ZNF814: variants seen among roughly 807,000 people sequenced by gnomAD.
ZNF814 encodes the protein zinc finger protein 814.
ZNF814 carries 5 observed loss-of-function variants against 7.5 expected under a neutral mutation model. The observed-to-expected ratio is 0.67, with a 90% CI of 0.35 to 1.40. The LOEUF (loss-of-function observed/expected upper bound fraction) is 1.40, where lower values mean the gene tolerates loss of function less well. Ranked by LOEUF, ZNF814 falls within the 40% of genes most tolerant of loss-of-function variation. The pLI is 0.04. For synonymous variants in ZNF814, 315 were observed against 340.7 expected, an observed-to-expected ratio of 0.92 and a Z score of 0.83; for missense variants, 962 against 1,018.0, an observed-to-expected ratio of 0.94 and a Z score of 0.75.
the ZNF814 span, among the ~76,000 whole-genome samples, chr19:57,900,838 C>CTTTTTTTTTTT: frequency 1.2e-4 from 7 of 56,422 alleles, no homozygotes; most frequent in South Asian, 7.5e-4. Flanking sequence ...GCCATGGCTG[C>CTTTTTTTTTTT]ATTTTTTTTT....
At chr19:57,885,229 T>A (rs577365614) in intron 1 of ZNF814, among the ~76,000 whole-genome samples, 1 of 150,956 alleles carries the variant, frequency 6.6e-6, no homozygotes, top group Non-Finnish European at 1.5e-5. Flanking sequence ...GGCTGAGACA[T>A]GAGAATCGCT....
chr19:57,875,865 A>G (rs1312479254), intron 2 of ZNF814, among the ~76,000 whole-genome samples: 10 of 151,894 alleles, frequency 6.6e-5, no homozygotes, highest in Non-Finnish European at 8.8e-5. Flanking sequence ...CCTTGCCACA[A>G]AACTACTACT....
Position 57,870,238 on chromosome 19 carries a change from C to G in ZNF814, c.*2584G>C, listed in dbSNP as rs538688951. On this transcript the variant is annotated 3_prime_UTR_variant, in exon 3 of 3. Coordinates refer to ENST00000435989, the MANE Select transcript of ZNF814 (RefSeq NM_001144989.2). ...CAGCCTGGGCAACAGAGCAAGACTC[C>G]GTCTCAAAATAAATAATAATAATAA... The G allele has an allele frequency of 2.8e-4, 43 of 152,030 alleles. No homozygotes were observed. The highest frequency in any genetic ancestry group is 8.4e-4 in the African/African-American group (35 of 41,458). 9.4% of individuals were successfully genotyped at this position (152,030 alleles called of 1,614,324 possible).
chr19:57,872,504 T>TTC lies in ZNF814; in HGVS notation c.*317_*318insGA, dbSNP rs2071564119. 1.7e-6 allele frequency: 1 copy of TTC among 574,038 alleles called. No individual in the cohort carries two copies. Among genetic ancestry groups the TTC allele is most frequent in the African/African-American group, 1.9e-5 (1 of 53,472 alleles). 35.6% of individuals were successfully genotyped at this position (574,038 alleles called of 1,614,324 possible). A position where few individuals can be genotyped will look rare whatever the true frequency, so the allele number is the denominator to read the frequency against. Reference sequence around the variant, plus strand: ...GCCCAAATGTATTTTATTTGTCTAGTGTGAACTCTCTGATATTCAAGGAGA... The same window carrying TTC: ...GCCCAAATGTATTTTATTTGTCTAGTTCGTGAACTCTCTGATATTCAAGGAGA... On this transcript the variant is annotated 3_prime_UTR_variant, in exon 3 of 3. Transcript: ENST00000435989.
chr19:57,883,988 C>G (rs1600139660), intron 1 of ZNF814, among the ~76,000 whole-genome samples: 1 of 152,264 alleles, frequency 6.6e-6, no homozygotes, highest in East Asian at 1.9e-4. Context: ...AACTCCTGAC[C>G]TCAGGTGATC....
Position 57,873,174 on chromosome 19 carries a change from G to A in ZNF814, c.2216C>T (p.Thr739Ile), listed in dbSNP as rs766311608. 2.5e-6 allele frequency: 4 copies of A among 1,613,552 alleles called. No homozygotes were observed. Among genetic ancestry groups the A allele is most frequent in the Admixed American group, 1.7e-5 (1 of 59,902 alleles). ...YQLIAHQRVH[T>I]GERPYECNDC... ...ATTGCATTCATAAGGCCTTTCTCCA[G>A]TGTGAACTCTCTGATGTGCAATGAG... The change falls in exon 3 of 3, where the codon ACT (threonine) becomes ATT (isoleucine). Residue 739 changes from threonine (T) to isoleucine (I), a missense_variant. By Grantham distance (89) the Thr-to-Ile change is moderately conservative. Transcript: ENST00000435989.
At chr19:57,891,879 G>A (rs1198145423), upstream of ZNF814, among the ~76,000 whole-genome samples, 1 of 152,040 alleles carries the variant, frequency 6.6e-6, no homozygotes, top group Non-Finnish European at 1.5e-5. Flanking sequence ...TCAGCATCCT[G>A]AGTACCTGGG....
chr19:57,873,920 T>G lies in ZNF814; in HGVS notation c.1470A>C (p.Arg490Ser). The change falls in exon 3 of 3, where the codon AGA (arginine) becomes AGC (serine). Residue 490 changes from arginine to serine, a missense_variant. Around this residue, in one of 7 missense-constraint regions of ZNF814, gnomAD observed 665 missense variants for 551.4 expected, o/e 1.21. Transcript: ENST00000435989. ...TCCCACATTCTCCACACTGATAAGG[T>G]CTTTCTCCACTGTGAACTCGCTGAT... ...VHHQRVHSGE[R>S]PYQCGECGKS... 1.2e-6 allele frequency: 2 copies of G among 1,613,866 alleles called. No homozygotes were observed. Among genetic ancestry groups the G allele is most frequent in the Admixed American group, 1.7e-5 (1 of 59,994 alleles).
upstream of ZNF814, among the ~76,000 whole-genome samples, chr19:57,890,892 A>G (rs73068586): frequency 3.7e-3 from 569 of 152,338 alleles, 3 homozygotes; most frequent in Middle Eastern, 6.8e-3. Flanking sequence ...CAGCTGTCAG[A>G]AGTGTTTAAC....
At position 57,870,334 on chromosome 19, in the gene ZNF814, A is replaced by G. The variant is rs1028735648; in HGVS notation, c.*2488T>C. On this transcript the variant is annotated 3_prime_UTR_variant, in exon 3 of 3. Coordinates refer to ENST00000435989, the MANE Select transcript of ZNF814 (RefSeq NM_001144989.2). ...TTTGGAAAACAGGTTTGGCAACTCT[A>G]TACTGACTACACCAATTCTTCTCAT... 1 of 152,234 alleles carries G rather than the reference A, an allele frequency of 6.6e-6. No homozygotes were observed. The highest frequency in any genetic ancestry group is 2.4e-5 in the African/African-American group (1 of 41,460). 9.4% of individuals were successfully genotyped at this position (152,234 alleles called of 1,614,324 possible).
chr19:57,892,028 A>C (rs2071737611), upstream of ZNF814, among the ~76,000 whole-genome samples: 1 of 152,176 alleles, frequency 6.6e-6, no homozygotes, highest in African/African-American at 2.4e-5. Context: ...TTGGGATTAC[A>C]GGCGTGAGCC....
intron 1 of ZNF814, among the ~76,000 whole-genome samples, chr19:57,883,529 T>C (rs1430693988): frequency 1.3e-5 from 2 of 149,304 alleles, no homozygotes; most frequent in Non-Finnish European, 3.0e-5. Context: ...GATGTGGTAG[T>C]GCACACCTGT....
chr19:57,876,845 T>A (rs1336438926), intron 2 of ZNF814, 71 bp downstream of exon 2: 1 of 1,595,622 alleles, frequency 6.3e-7, no homozygotes, highest in African/African-American at 1.3e-5. Flanking sequence ...CATGAGAAAG[T>A]CTTACCAATG....
the ZNF814 span, among the ~76,000 whole-genome samples, chr19:57,897,041 G>A: frequency 2.0e-5 from 3 of 152,182 alleles, no homozygotes; most frequent in African/African-American, 4.8e-5. Flanking sequence ...AATGTTACAG[G>A]AGAAAAATAT....
chr19:57,877,467 CAG>C (rs1328635114), intron 1 of ZNF814, among the ~76,000 whole-genome samples: 1 of 152,112 alleles, frequency 6.6e-6, no homozygotes, highest in Non-Finnish European at 1.5e-5. Context: ...TTGTTTGAGA[CAG>C]AGTCTCACTC....
the ZNF814 span, among the ~76,000 whole-genome samples, chr19:57,896,247 C>T: frequency 6.6e-6 from 1 of 151,112 alleles, no homozygotes; most frequent in South Asian, 2.1e-4. The surrounding 1 kb of genome is among the most constrained non-coding windows in gnomAD (Gnocchi z 4.2). Context: ...ATTCCAGTTT[C>T]TGATTGGTTG....
chr19:57,869,425 G>T lies in ZNF814; in HGVS notation c.*3397C>A, dbSNP rs2071536832. On this transcript the variant is annotated 3_prime_UTR_variant, in exon 3 of 3. Transcript: ENST00000435989. ...ATTACATCACTCATCTAACATTCCA[G>T]AAAATGGAAAGTACTCTACTGTACA... 6.6e-6 allele frequency: 1 copy of T among 151,196 alleles called. No homozygotes were observed. The highest frequency in any genetic ancestry group is 1.9e-4 in the East Asian group (1 of 5,174). The allele number at this position is 151,196 out of a possible 1,614,324, so 9.4% of individuals were successfully genotyped here. A position where few individuals can be genotyped will look rare whatever the true frequency, so the allele number is the denominator to read the frequency against.
chr19:57,885,116 T>C (rs1357497358), intron 1 of ZNF814, among the ~76,000 whole-genome samples: 4 of 151,862 alleles, frequency 2.6e-5, no homozygotes, highest in Admixed American at 1.3e-4. Context: ...GGTCAGGAGA[T>C]GGAGACCATC....
chr19:57,903,972 G>C, the ZNF814 span, among the ~76,000 whole-genome samples: 1 of 152,276 alleles, frequency 6.6e-6, no homozygotes, highest in South Asian at 2.1e-4. Context: ...ACCAAACTCT[G>C]TGCCAAAGGG....
Sources: gnomAD v4.1 joint callset for allele counts (sites outside exome capture counted in the v4.1 genomes callset) on GRCh38, gnomAD v4.1.1 for gene constraint, gnomAD v4.1.1 regional missense constraint, Gnocchi (gnomAD v3.1) non-coding constraint, MANE v1.5 for transcripts, NCBI Gene and HGNC (gene_info 2026-07-23, HGNC 2026-07-21) for gene names.